ALDOC: variants seen among roughly 807,000 people sequenced by gnomAD.
ALDOC encodes the protein aldolase, fructose-bisphosphate C.
ALDOC carries 23 observed loss-of-function variants against 39.5 expected under a neutral mutation model. That is an observed-to-expected ratio of 0.58 (90% CI 0.42 to 0.82). ALDOC has a LOEUF of 0.82. Among genes scored for constraint, ALDOC ranks in the 40% least tolerant of loss-of-function variants. The pLI, the probability that ALDOC is intolerant of heterozygous loss-of-function variation, is 0.00. For missense variants in ALDOC, 356 were observed against 479.1 expected, an observed-to-expected ratio of 0.74 and a Z score of 2.40; for synonymous variants, 160 against 182.6, an observed-to-expected ratio of 0.88 and a Z score of 1.00.
rs371687048 is a variant in ALDOC, at chr17:28,573,782, G to T, written c.952C>A (p.Arg318=). 6.2e-7 allele frequency: 1 copy of T among 1,614,176 alleles called. No homozygotes were observed. Among genetic ancestry groups the T allele is most frequent in the Non-Finnish European group, 8.5e-7 (1 of 1,180,040 alleles). Residue 318 remains arginine, a synonymous_variant, in exon 8 of 9, where the codon CGG becomes AGG. Transcript: ENST00000226253. The surrounding 1 kb of genome is among the most constrained non-coding windows in gnomAD (Gnocchi z 4.3). The part of the protein sequence containing the change: ...ASALNAWRGQ[R]DNAGAATEEF... Reference sequence around the variant, plus strand: ...TCAGTGGCAGCCCCAGCATTGTCCCGTTGCCCTCGCCAGGCATTGAGTGCA... The same window carrying T: ...TCAGTGGCAGCCCCAGCATTGTCCCTTTGCCCTCGCCAGGCATTGAGTGCA...
At position 28,573,902 on chromosome 17, in the gene ALDOC, C is replaced by G. The variant is rs754077392; in HGVS notation, c.832G>C (p.Glu278Gln). The stretch of plus-strand genomic sequence containing the variant: ...GCATTGAGGTTGAATGATGCCTCTT[C>G]TTCGCTCTGACCCCCAGACAGGAAG... ...VTFLSGGQSEEEASFNLNAIN... is the reference protein window; with the variant it reads ...VTFLSGGQSEQEASFNLNAIN... Residue 278 changes from glutamate (E) to glutamine (Q), a missense_variant, in exon 8 of 9, where the codon GAA becomes CAA. Physicochemically the swap from Glu to Gln is conservative, Grantham distance 29. Coordinates refer to ENST00000226253, the MANE Select transcript of ALDOC (RefSeq NM_005165.3). This position sits in a 1 kb window ranked among gnomAD's most constrained non-coding sequence, Gnocchi z 4.3. The G allele has an allele frequency of 3.7e-6, 6 of 1,614,062 alleles. No homozygotes were observed. Among genetic ancestry groups the G allele is most frequent in the African/African-American group, 2.7e-5 (2 of 74,928 alleles).
rs766767014 is a variant in ALDOC, at chr17:28,575,212, A to C, written c.235T>G (p.Phe79Val). The C allele has an allele frequency of 6.2e-7, 1 of 1,614,146 alleles. No homozygotes were observed. The highest frequency in any genetic ancestry group is 8.5e-7 in the Non-Finnish European group (1 of 1,180,050). Residue 79 changes from phenylalanine to valine, a missense_variant, in exon 3 of 9, where the codon TTC (phenylalanine) becomes GTC (valine). Transcript: ENST00000226253. The surrounding 1 kb of genome is among the most constrained non-coding windows in gnomAD (Gnocchi z 4.3). Reference protein sequence around the residue: ...RVKKCIGGVIFFHETLYQKDD... With the variant: ...RVKKCIGGVIVFHETLYQKDD... ...TTCTGGTAGAGGGTCTCATGGAAGA[A>C]AATGACGCCTCCAATGCACTTTTTC...
chr17:28,575,068 A>G lies in ALDOC; in HGVS notation c.324+55T>C, dbSNP rs1597590541. 1.5e-5 allele frequency: 24 copies of G among 1,613,904 alleles called. No individual in the cohort carries two copies. The South Asian group carries it at 2.5e-4, about 17-fold the overall frequency. ...CAGGATTCTCCTTGCTACCCCTCCTACACAAGCTTATTTTCACACCCAGCT... is the reference window on the plus strand; with the variant it reads ...CAGGATTCTCCTTGCTACCCCTCCTGCACAAGCTTATTTTCACACCCAGCT... On this transcript the variant is annotated intron_variant, in intron 3 of 8. Transcript: ENST00000226253. The surrounding 1 kb of genome is among the most constrained non-coding windows in gnomAD (Gnocchi z 4.3).
At position 28,574,830 on chromosome 17, in the gene ALDOC, C is replaced by T; in HGVS notation, c.406G>A (p.Ala136Thr). Residue 136 changes from alanine to threonine, a missense_variant, in exon 5 of 9, where the codon GCC becomes ACC. Physicochemically the swap from Ala to Thr is moderately conservative, Grantham distance 58. Coordinates refer to ENST00000226253, the MANE Select transcript of ALDOC (RefSeq NM_005165.3). ...TCAGCACCATCCTTCTTGTATTGGG[C>T]ACAGCGTTCTGAGAGCCCATCCAGC... ...QGLDGLSERC[A>T]QYKKDGADFA... The T allele has an allele frequency of 1.2e-6, 2 of 1,614,236 alleles. No homozygotes were observed. Among genetic ancestry groups the T allele is most frequent in the Non-Finnish European group, 1.7e-6 (2 of 1,180,036 alleles).
chr17:28,575,687 C>A lies in ALDOC; in HGVS notation c.-12-143G>T, dbSNP rs1334736681. On this transcript the variant is annotated intron_variant, in intron 1 of 8. Transcript: ENST00000226253. The surrounding 1 kb of genome is among the most constrained non-coding windows in gnomAD (Gnocchi z 4.3). ...CATGAGTCCTGGGCATCAAGTGGCA[C>A]CAGTCCTTCTGACAGCTAGCAAGCT... is the stretch of plus-strand genomic sequence containing the variant. 2 of 1,038,782 alleles carry A rather than the reference C, an allele frequency of 1.9e-6. No homozygotes were observed. Among genetic ancestry groups the A allele is most frequent in the African/African-American group, 1.6e-5 (1 of 61,800 alleles). 64.3% of individuals were successfully genotyped at this position (1,038,782 alleles called of 1,614,324 possible). A position where few individuals can be genotyped will look rare whatever the true frequency, so the allele number is the denominator to read the frequency against.
At chr17:28,574,334 G>T in intron 6 of ALDOC, 93 bp from the exon 7 acceptor site, 1 of 1,454,408 alleles carries the variant, frequency 6.9e-7, no homozygotes, top group African/African-American at 1.4e-5. Context: ...GGCACAGACT[G>T]TGAGGGCTCA....
rs748135082 is a variant in ALDOC, at chr17:28,574,743, G to A, written c.493C>T (p.Leu165=). 1.1e-5 allele frequency: 17 copies of A among 1,614,206 alleles called. No homozygotes were observed. Among genetic ancestry groups the A allele is most frequent in the Non-Finnish European group, 1.4e-5 (16 of 1,180,032 alleles). Residue 165 remains leucine (L), a synonymous_variant, in exon 5 of 9, where the codon CTG becomes TTG. Coordinates refer to ENST00000226253, the MANE Select transcript of ALDOC (RefSeq NM_005165.3). ...SERTPSALAI[L]ENANVLARYA... is the part of the protein sequence containing the mutation. ...CGGGCCAGCACGTTGGCGTTCTCCAGAATGGCAAGTGCAGAGGGTGTACGC... is the reference window on the plus strand; with the variant it reads ...CGGGCCAGCACGTTGGCGTTCTCCAAAATGGCAAGTGCAGAGGGTGTACGC...
chr17:28,574,330 G>T, intron 6 of ALDOC, 89 bp from the exon 7 acceptor site: 1 of 1,458,192 alleles, frequency 6.9e-7, no homozygotes, highest in Non-Finnish European at 9.4e-7. Flanking sequence ...GATGGGCACA[G>T]ACTGTGAGGG....
rs775402885 is a variant in ALDOC, at chr17:28,573,735, C to T, written c.999G>A (p.Glu333=). 1.5e-5 allele frequency: 24 copies of T among 1,614,088 alleles called. No individual in the cohort carries two copies. Among genetic ancestry groups the T allele is most frequent in the Non-Finnish European group, 2.0e-5 (24 of 1,180,050 alleles). ...AATEEFIKRA[E]VNGLAAQGKY... is the part of the protein sequence containing the mutation. The stretch of plus-strand genomic sequence containing the variant: ...CCCACCACCACCTGTAGCTCCCAAC[C>T]TCAGCCCGCTTGATGAACTCCTCAG... The change falls in exon 8 of 9, where the codon GAG becomes GAA. Residue 333 remains glutamate, a splice_region_variant and synonymous_variant. Coordinates refer to ENST00000226253, the MANE Select transcript of ALDOC (RefSeq NM_005165.3). The surrounding 1 kb of genome is among the most constrained non-coding windows in gnomAD (Gnocchi z 4.3).
In ALDOC at chr17:28,575,943, C is replaced by A. The variant is rs949963198; in HGVS notation, c.-12-399G>T. The A allele has an allele frequency of 3.0e-5, 31 of 1,036,946 alleles. No homozygotes were observed. The highest frequency in any genetic ancestry group is 3.5e-5 in the Non-Finnish European group (30 of 858,828). The allele number at this position is 1,036,946 out of a possible 1,614,324, so 64.2% of individuals were successfully genotyped here. A position where few individuals can be genotyped will look rare whatever the true frequency, so the allele number is the denominator to read the frequency against. The stretch of plus-strand genomic sequence containing the variant: ...TTCCCTTTTCTCATCCTCCACAGGA[C>A]CCCTAGGGAAAGTGTACTTACTTCC... On this transcript the variant is annotated intron_variant, in intron 1 of 8. Coordinates refer to ENST00000226253, the MANE Select transcript of ALDOC (RefSeq NM_005165.3). This position sits in a 1 kb window ranked among gnomAD's most constrained non-coding sequence, Gnocchi z 4.3.
In ALDOC at chr17:28,573,862, G is replaced by A; in HGVS notation, c.872C>T (p.Pro291Leu). 1 of 1,614,254 alleles carries A rather than the reference G, an allele frequency of 6.2e-7. No individual in the cohort carries two copies. Among genetic ancestry groups the A allele is most frequent in the East Asian group, 2.2e-5 (1 of 44,890 alleles). Residue 291 changes from proline (P) to leucine (L), a missense_variant, in exon 8 of 9, where the codon CCC becomes CTC. Transcript: ENST00000226253. This position sits in a 1 kb window ranked among gnomAD's most constrained non-coding sequence, Gnocchi z 4.3. ...GGTAAGCGCCCAGGGTCGGGGAAGGGGGCAGCGGTTGATGGCATTGAGGTT... is the reference window on the plus strand; with the variant it reads ...GGTAAGCGCCCAGGGTCGGGGAAGGAGGCAGCGGTTGATGGCATTGAGGTT... ...SFNLNAINRCPLPRPWALTFS... is the reference protein window; with the variant it reads ...SFNLNAINRCLLPRPWALTFS...
rs2070479585 is a variant in ALDOC, at chr17:28,575,606, G to A, written c.-12-62C>T. ...CCTCTGCTGCCTCTCCTGGCCAGAT[G>A]GGCCAAATGGCCTCCCCATCAAGCA... On this transcript the variant is annotated intron_variant, in intron 1 of 8. Coordinates refer to ENST00000226253, the MANE Select transcript of ALDOC (RefSeq NM_005165.3). This position sits in a 1 kb window ranked among gnomAD's most constrained non-coding sequence, Gnocchi z 4.3. 6.5e-7 allele frequency: 1 copy of A among 1,548,862 alleles called. No homozygotes were observed. The highest frequency in any genetic ancestry group is 1.2e-5 in the South Asian group (1 of 84,772).
Position 28,574,781 on chromosome 17 carries a change from A to G in ALDOC, c.455T>C (p.Leu152Pro). Residue 152 changes from leucine to proline, a missense_variant, in exon 5 of 9, where the codon CTG becomes CCG. By Grantham distance (98) the Leu-to-Pro change is moderately conservative. Coordinates refer to ENST00000226253, the MANE Select transcript of ALDOC (RefSeq NM_005165.3). ...GADFAKWRCV[L>P]KISERTPSAL... ...AGAGGGTGTACGCTCACTGATTTTC[A>G]GCACACAGCGCCACTTGGCAAAGTC... is the stretch of plus-strand genomic sequence containing the variant. The G allele has an allele frequency of 1.2e-6, 2 of 1,614,216 alleles. No homozygotes were observed. Among genetic ancestry groups the G allele is most frequent in the Non-Finnish European group, 1.7e-6 (2 of 1,180,034 alleles).
chr17:28,575,380 C>CA lies in ALDOC; in HGVS notation c.112+40_112+41insT, dbSNP rs1567620679. ...GCAGTGAGAACATCCCCAGGGTCCC[C>CA]TAGCCACCTGTACCCTACCTGGCTA... On this transcript the variant is annotated intron_variant, in intron 2 of 8. Coordinates refer to ENST00000226253, the MANE Select transcript of ALDOC (RefSeq NM_005165.3). This position sits in a 1 kb window ranked among gnomAD's most constrained non-coding sequence, Gnocchi z 4.3. 1.2e-6 allele frequency: 2 copies of CA among 1,614,190 alleles called. No homozygotes were observed. The highest frequency in any genetic ancestry group is 8.5e-7 in the Non-Finnish European group (1 of 1,180,012).
chr17:28,574,615 G>A (rs2151516744), intron 5 of ALDOC, 38 bp from the exon 6 acceptor site: 1 of 1,613,800 alleles, frequency 6.2e-7, no homozygotes, highest in East Asian at 2.2e-5. Context: ...AGGGGCAGTA[G>A]GGGAGATGAA....
rs754841645 is a variant in ALDOC, at chr17:28,575,387, C to T, written c.112+34G>A. On this transcript the variant is annotated intron_variant, in intron 2 of 8. Coordinates refer to ENST00000226253, the MANE Select transcript of ALDOC (RefSeq NM_005165.3). The surrounding 1 kb of genome is among the most constrained non-coding windows in gnomAD (Gnocchi z 4.3). ...GAACATCCCCAGGGTCCCCTAGCCA[C>T]CTGTACCCTACCTGGCTACAGATGT... 7.4e-6 allele frequency: 12 copies of T among 1,614,212 alleles called. No homozygotes were observed. In the South Asian group the frequency reaches 1.1e-4, roughly 15 times the overall value.
rs141206659 is a variant in ALDOC, at chr17:28,574,170, G to A, written c.696C>T (p.Asn232=). Residue 232 remains asparagine (N), a synonymous_variant, in exon 7 of 9, where the codon AAC becomes AAT. Coordinates refer to ENST00000226253, the MANE Select transcript of ALDOC (RefSeq NM_005165.3). ...GACAGGCATGGCCCGGGGTCACCATGTTGGGCTTGAGCAGGGTCCCCTCCA... is the reference window on the plus strand; with the variant it reads ...GACAGGCATGGCCCGGGGTCACCATATTGGGCTTGAGCAGGGTCCCCTCCA... The part of the protein sequence containing the change: ...VYLEGTLLKP[N]MVTPGHACPI... 3 of 1,612,058 alleles carry A rather than the reference G, an allele frequency of 1.9e-6. No individual in the cohort carries two copies. Among genetic ancestry groups the A allele is most frequent in the Non-Finnish European group, 1.7e-6 (2 of 1,178,954 alleles).
At position 28,575,669 on chromosome 17, in the gene ALDOC, C is replaced by A; in HGVS notation, c.-12-125G>T. ...CAGGGCAGCAGTCCTTGGCATGAGT[C>A]CTGGGCATCAAGTGGCACCAGTCCT... On this transcript the variant is annotated intron_variant, in intron 1 of 8. Coordinates refer to ENST00000226253, the MANE Select transcript of ALDOC (RefSeq NM_005165.3). This position sits in a 1 kb window ranked among gnomAD's most constrained non-coding sequence, Gnocchi z 4.3. 8.2e-7 allele frequency: 1 copy of A among 1,224,122 alleles called. No individual in the cohort carries two copies. The highest frequency in any genetic ancestry group is 1.1e-6 in the Non-Finnish European group (1 of 902,294). The allele number at this position is 1,224,122 out of a possible 1,614,324, so 75.8% of individuals were successfully genotyped here.
chr17:28,574,218 G>A lies in ALDOC; in HGVS notation c.648C>T (p.Ala216=), dbSNP rs2070460070. 1.3e-5 allele frequency: 20 copies of A among 1,598,278 alleles called. No individual in the cohort carries two copies. Among genetic ancestry groups the A allele is most frequent in the Non-Finnish European group, 1.6e-5 (19 of 1,172,654 alleles). The change falls in exon 7 of 9, where the codon GCC becomes GCT. Residue 216 remains alanine (A), a synonymous_variant. Coordinates refer to ENST00000226253, the MANE Select transcript of ALDOC (RefSeq NM_005165.3). ...CCAGGTATACATGATGGTCACTCAG[G>A]GCCTTGTACACAGCAGCCAAGACCT... ...TEKVLAAVYK[A]LSDHHVYLEG...
Sources: gnomAD v4.1 joint callset for allele counts on GRCh38, gnomAD v4.1.1 for gene constraint, Gnocchi (gnomAD v3.1) non-coding constraint, MANE v1.5 for transcripts, NCBI Gene and HGNC (gene_info 2026-07-23, HGNC 2026-07-21) for gene names.